Variants in SMOC2 observed in about 807,000 individuals in gnomAD.
SMOC2 encodes the protein SPARC-related modular calcium-binding protein 2.
SMOC2 carries 39 observed loss-of-function variants against 61.4 expected under a neutral mutation model. That is an observed-to-expected ratio of 0.64 (90% CI 0.49 to 0.83). SMOC2 has a LOEUF of 0.83. Ranked by LOEUF, SMOC2 falls within the 40% of genes least tolerant of loss-of-function variation. SMOC2 has a pLI of 0.00. For missense variants in SMOC2, 556 were observed against 592.9 expected (o/e 0.94, Z 0.65); for synonymous variants, 247 against 239.9 (o/e 1.03, Z -0.27).
rs73244532 is a variant in SMOC2, at chr6:168,650,103, A to G, written c.908-578A>G. Among the ~76,000 whole-genome samples the G allele has an allele frequency of 9.3e-3, 1,421 of 152,298 alleles. 31 individuals carry two copies. The highest frequency in any genetic ancestry group is 0.033 in the African/African-American group (1,358 of 41,554). On this transcript the variant is annotated intron_variant, in intron 9 of 12. Transcript: ENST00000356284. ...TTCCCTGACCCCAGAATCCATACACAGTCCGCGCTGGGCTCCAAAGCTATG... is the reference window on the plus strand; with the variant it reads ...TTCCCTGACCCCAGAATCCATACACGGTCCGCGCTGGGCTCCAAAGCTATG...
chr6:168,542,478 T>C (rs1783894320), intron 4 of SMOC2, among the ~76,000 whole-genome samples: 1 of 152,236 alleles, frequency 6.6e-6, no homozygotes, highest in Admixed American at 6.5e-5. Context: ...TTTTTAGATA[T>C]GCAGCCTGCA....
chr6:168,591,735 TC>T (rs1785185917), intron 7 of SMOC2, among the ~76,000 whole-genome samples: 2 of 151,000 alleles, frequency 1.3e-5, no homozygotes, highest in African/African-American at 4.8e-5. Flanking sequence ...TCTATTTGCG[TC>T]TTTTTCAGAT....
intron 4 of SMOC2, among the ~76,000 whole-genome samples, chr6:168,539,116 G>T (rs79243033): frequency 5.9e-5 from 9 of 152,116 alleles, no homozygotes; most frequent in Non-Finnish European, 8.8e-5. Flanking sequence ...TGAAATGCCC[G>T]CATGTCCCCT....
chr6:168,591,086 G>T (rs1203722751), intron 7 of SMOC2, among the ~76,000 whole-genome samples: 1 of 152,228 alleles, frequency 6.6e-6, no homozygotes, highest in African/African-American at 2.4e-5. Context: ...ATTTATAGAA[G>T]TAAATTGGAA....
At chr6:168,617,228 A>G (rs1786117463) in intron 9 of SMOC2, among the ~76,000 whole-genome samples, 1 of 152,004 alleles carries the variant, frequency 6.6e-6, no homozygotes, top group Non-Finnish European at 1.5e-5. Context: ...TAGAGAAATT[A>G]AATAAACAAA....
At chr6:168,545,891 T>G (rs1783984478) in intron 5 of SMOC2, among the ~76,000 whole-genome samples, 1 of 152,242 alleles carries the variant, frequency 6.6e-6, no homozygotes, top group South Asian at 2.1e-4. Flanking sequence ...AAAATATGTT[T>G]CCCATTTTGT....
intron 1 of SMOC2, among the ~76,000 whole-genome samples, chr6:168,444,332 A>G (rs916909452): frequency 6.6e-6 from 1 of 151,084 alleles, no homozygotes; most frequent in African/African-American, 2.4e-5. Flanking sequence ...AGGACCACGC[A>G]TTTGTCTTAC....
intron 2 of SMOC2, among the ~76,000 whole-genome samples, chr6:168,519,169 A>G (rs1169213444): frequency 6.7e-6 from 1 of 149,188 alleles, no homozygotes; most frequent in African/African-American, 2.5e-5. Context: ...GTATGCGTGC[A>G]TGTGTGAGTA....
intron 10 of SMOC2, 148 bp downstream of exon 10, chr6:168,650,931 A>G (rs1476563966): frequency 1.4e-6 from 1 of 705,356 alleles, no homozygotes; most frequent in Non-Finnish European, 2.3e-6. Context: ...AAACACAGGA[A>G]GTTGCTTAGC....
chr6:168,599,007 A>G lies in SMOC2; in HGVS notation c.824+3A>G, dbSNP rs188541294. The stretch of plus-strand genomic sequence containing the variant: ...CCCATTCCCGGCACATCCACAAGGT[A>G]AATAGGGTGCACCCACCCCCCCCGG... On this transcript the variant is annotated splice_donor_region_variant and intron_variant, in intron 8 of 12. Transcript: ENST00000356284. 2.1e-4 allele frequency: 330 copies of G among 1,589,734 alleles called. No individual in the cohort carries two copies. The highest frequency in any genetic ancestry group is 2.0e-3 in the African/African-American group (149 of 74,138).
chr6:168,581,051 T>C (rs1013882668), intron 7 of SMOC2, among the ~76,000 whole-genome samples: 1 of 152,186 alleles, frequency 6.6e-6, no homozygotes, highest in Non-Finnish European at 1.5e-5. Context: ...TCGCCTCTGA[T>C]TCCCCCCTGG....
At position 168,453,610 on chromosome 6, in the gene SMOC2, T is replaced by TTCTTCCTGTCTCTGTC. The variant is rs1781513820; in HGVS notation, c.84+12161_84+12176dup. 6.6e-6 allele frequency among the ~76,000 whole-genome samples: 1 copy of TTCTTCCTGTCTCTGTC among 151,812 alleles called. No individual in the cohort carries two copies. Among genetic ancestry groups the TTCTTCCTGTCTCTGTC allele is most frequent in the South Asian group, 2.1e-4 (1 of 4,800 alleles). On this transcript the variant is annotated intron_variant, in intron 1 of 12. Transcript: ENST00000356284. This position sits in a 1 kb window ranked among gnomAD's most constrained non-coding sequence, Gnocchi z 4.4. The stretch of plus-strand genomic sequence containing the variant: ...TCTCTCTCTTTCTGTCTGTCTCTGT[T>TTCTTCCTGTCTCTGTC]TCTTCCTGTCTCTGTCTCTTTGTCT...
At chr6:168,451,161 TTCCC>T (rs1213372527) in intron 1 of SMOC2, among the ~76,000 whole-genome samples, 1 of 152,156 alleles carries the variant, frequency 6.6e-6, no homozygotes, top group African/African-American at 2.4e-5. Flanking sequence ...ATACTGAGCT[TTCCC>T]TCCCTCCCTC....
At chr6:168,637,651 A>G (rs73242477) in intron 9 of SMOC2, among the ~76,000 whole-genome samples, 1 of 152,194 alleles carries the variant, frequency 6.6e-6, no homozygotes, top group Non-Finnish European at 1.5e-5. Flanking sequence ...GTAACATTTC[A>G]TAGAGTCCAC....
chr6:168,451,129 G>A (rs1374219135), intron 1 of SMOC2, among the ~76,000 whole-genome samples: 1 of 152,176 alleles, frequency 6.6e-6, no homozygotes, highest in African/African-American at 2.4e-5. Context: ...TTATTCCCCA[G>A]GGGAAAGCCC....
intron 9 of SMOC2, among the ~76,000 whole-genome samples, chr6:168,637,305 G>A (rs1327613968): frequency 6.6e-6 from 1 of 152,126 alleles, no homozygotes; most frequent in Non-Finnish European, 1.5e-5. Context: ...CGGCCTTCTT[G>A]GGAGCAGGAC....
chr6:168,464,305 A>G (rs1272101347), intron 1 of SMOC2, among the ~76,000 whole-genome samples: 1 of 152,068 alleles, frequency 6.6e-6, no homozygotes, highest in Admixed American at 6.6e-5. Flanking sequence ...GACGGACGGA[A>G]GGAAGGAAAT....
At chr6:168,462,019 TTTTTTTA>T (rs1361460930) in intron 1 of SMOC2, among the ~76,000 whole-genome samples, 1 of 152,156 alleles carries the variant, frequency 6.6e-6, no homozygotes, top group African/African-American at 2.4e-5. Context: ...GGGCTCTTTA[TTTTTTTA>T]TTTTTTATTT....
chr6:168,531,871 G>A (rs1305901154), intron 4 of SMOC2, among the ~76,000 whole-genome samples: 1 of 152,170 alleles, frequency 6.6e-6, no homozygotes, highest in Non-Finnish European at 1.5e-5. Flanking sequence ...AATTCTTGGG[G>A]CCTTGAATTC....
Sources: gnomAD v4.1 joint callset for allele counts (sites outside exome capture counted in the v4.1 genomes callset) on GRCh38, gnomAD v4.1.1 for gene constraint, Gnocchi (gnomAD v3.1) non-coding constraint, MANE v1.5 for transcripts, NCBI Gene and HGNC (gene_info 2026-07-23, HGNC 2026-07-21) for gene names.